TRPC6: variants seen among roughly 807,000 people sequenced by gnomAD.
TRPC6 encodes the protein transient receptor potential cation channel subfamily C member 6.
TRPC6 carries 55 observed loss-of-function variants against 90.7 expected under a neutral mutation model. The ratio of observed to expected loss-of-function variants is 0.61; its 90% CI spans 0.49 to 0.76. TRPC6 has a LOEUF of 0.76. Among genes scored for constraint, TRPC6 ranks in the 30% least tolerant of loss-of-function variants. TRPC6 has a pLI of 0.00. For synonymous variants in TRPC6, 393 were observed against 393.0 expected, an observed-to-expected ratio of 1.00 and a Z score of 0.00; for missense variants, 989 against 1,122.7, an observed-to-expected ratio of 0.88 and a Z score of 1.70.
intron 1 of TRPC6, among the ~76,000 whole-genome samples, chr11:101,576,752 T>C (rs1862079717): frequency 6.6e-6 from 1 of 152,202 alleles, no homozygotes; most frequent in Non-Finnish European, 1.5e-5. Context: ...TTAAGATGAA[T>C]TGCCTTATGA....
intron 1 of TRPC6, among the ~76,000 whole-genome samples, chr11:101,521,132 T>A (rs990752951): frequency 2.0e-4 from 31 of 152,318 alleles, no homozygotes; most frequent in African/African-American, 7.5e-4. Context: ...GGGAAAATGC[T>A]TCAAAGGCAT....
intron 4 of TRPC6, among the ~76,000 whole-genome samples, chr11:101,485,387 C>T (rs533477371): frequency 6.6e-6 from 1 of 151,788 alleles, no homozygotes; most frequent in East Asian, 1.9e-4. Flanking sequence ...TTGTCCTTTG[C>T]TATTTTTCTT....
At chr11:101,487,813 G>A (rs530295012) in intron 4 of TRPC6, among the ~76,000 whole-genome samples, 81 of 152,204 alleles carry the variant, frequency 5.3e-4, no homozygotes, top group African/African-American at 1.9e-3. Flanking sequence ...ATAAGAAAAT[G>A]TCCAGTTTCC....
At chr11:101,461,892 G>A (rs1429904345) in intron 10 of TRPC6, among the ~76,000 whole-genome samples, 1 of 152,180 alleles carries the variant, frequency 6.6e-6, no homozygotes, top group Non-Finnish European at 1.5e-5. Context: ...ATGGGAGGAA[G>A]AAACGGGCAT....
intron 10 of TRPC6, among the ~76,000 whole-genome samples, chr11:101,456,904 A>T (rs1206883591): frequency 6.6e-6 from 1 of 152,222 alleles, no homozygotes; most frequent in Non-Finnish European, 1.5e-5. Flanking sequence ...TTTCTAATAC[A>T]TCATAGAAAT....
intron 6 of TRPC6, among the ~76,000 whole-genome samples, chr11:101,474,832 T>C (rs1265394015): frequency 2.0e-5 from 3 of 152,164 alleles, no homozygotes; most frequent in Non-Finnish European, 4.4e-5. Context: ...TTCCATCCCT[T>C]AGTCACTTTC....
chr11:101,521,661 C>T (rs1241728443), intron 1 of TRPC6, among the ~76,000 whole-genome samples: 1 of 152,376 alleles, frequency 6.6e-6, no homozygotes, highest in South Asian at 2.1e-4. Flanking sequence ...GGAAAAGCCA[C>T]AGGCACTCAA....
intron 1 of TRPC6, among the ~76,000 whole-genome samples, chr11:101,577,314 AAT>A (rs1345174141): frequency 3.1e-5 from 4 of 130,584 alleles, no homozygotes; most frequent in African/African-American, 7.8e-5. Context: ...CCATTCAATA[AAT>A]ATGTCTTGTT....
At chr11:101,486,722 G>A (rs1052640928) in intron 4 of TRPC6, among the ~76,000 whole-genome samples, 1 of 152,106 alleles carries the variant, frequency 6.6e-6, no homozygotes, top group Non-Finnish European at 1.5e-5. Context: ...GCATAGGCCT[G>A]CAATTTGATC....
Position 101,476,451 on chromosome 11 carries a change from C to A in TRPC6, c.1594G>T (p.Gly532Cys), listed in dbSNP as rs1859419353. The change falls in exon 6 of 13, where the codon GGT becomes TGT. Residue 532 changes from glycine to cysteine, a missense_variant. Transcript: ENST00000344327. ...LFELWNMLDF[G>C]MLAIFAASFI... ...GATGCTGCGAAAATTGCTAACATACCAAAATCAAGCATGTTCCACAACTCA... is the reference window on the plus strand; with the variant it reads ...GATGCTGCGAAAATTGCTAACATACAAAAATCAAGCATGTTCCACAACTCA... 1 of 1,614,056 alleles carries A rather than the reference C, an allele frequency of 6.2e-7. No homozygotes were observed. The highest frequency in any genetic ancestry group is 8.5e-7 in the Non-Finnish European group (1 of 1,179,986).
intron 1 of TRPC6, among the ~76,000 whole-genome samples, chr11:101,546,799 T>C (rs1565237802): frequency 1.3e-5 from 2 of 152,324 alleles, no homozygotes; most frequent in East Asian, 1.9e-4. Flanking sequence ...AAAGACTGTA[T>C]ACATATAACA....
At chr11:101,548,927 G>C (rs1198058327) in intron 1 of TRPC6, among the ~76,000 whole-genome samples, 1 of 152,000 alleles carries the variant, frequency 6.6e-6, no homozygotes, top group Non-Finnish European at 1.5e-5. Context: ...CTGAAAGAGT[G>C]TGCAAGGAAA....
intron 10 of TRPC6, among the ~76,000 whole-genome samples, chr11:101,466,409 AGAG>A (rs1017021051): frequency 5.3e-5 from 8 of 152,206 alleles, no homozygotes; most frequent in African/African-American, 1.4e-4. Context: ...TGCTGCCCAG[AGAG>A]GAGAAATCTG....
intron 3 of TRPC6, 156 bp downstream of exon 3, chr11:101,491,400 C>G (rs1055674473): frequency 1.4e-5 from 13 of 942,996 alleles, no homozygotes; most frequent in Non-Finnish European, 1.9e-5. Flanking sequence ...CACCACTGCA[C>G]TCCAGACTGG....
intron 1 of TRPC6, among the ~76,000 whole-genome samples, chr11:101,551,362 A>G (rs1412737433): frequency 6.6e-6 from 1 of 152,068 alleles, no homozygotes; most frequent in African/African-American, 2.4e-5. Flanking sequence ...CAATCTTAGT[A>G]ACAAAATATT....
chr11:101,482,915 CA>C, intron 5 of TRPC6, 33 bp downstream of exon 5: 2 of 1,608,734 alleles, frequency 1.2e-6, no homozygotes, highest in Non-Finnish European at 1.7e-6. Context: ...GCTAAGACTG[CA>C]AACAGAAAAC....
intron 1 of TRPC6, among the ~76,000 whole-genome samples, chr11:101,519,393 C>A (rs555629768): frequency 2.0e-5 from 3 of 152,156 alleles, no homozygotes; most frequent in African/African-American, 7.2e-5. Flanking sequence ...TCTAAGGACC[C>A]TTCCAGTTAA....
At chr11:101,470,577 A>C (rs377311717) in intron 9 of TRPC6, among the ~76,000 whole-genome samples, 15 of 152,268 alleles carry the variant, frequency 9.9e-5, no homozygotes, top group African/African-American at 3.6e-4. Flanking sequence ...ATGTTCTCTA[A>C]ACATATCTGA....
chr11:101,456,451 TC>T (rs975099201), intron 10 of TRPC6, among the ~76,000 whole-genome samples: 9 of 152,256 alleles, frequency 5.9e-5, no homozygotes, highest in Admixed American at 5.2e-4. Context: ...AGTGTGAAGC[TC>T]CCACTAAGCC....
Sources: gnomAD v4.1 joint callset for allele counts (sites outside exome capture counted in the v4.1 genomes callset) on GRCh38, gnomAD v4.1.1 for gene constraint, MANE v1.5 for transcripts, NCBI Gene and HGNC (gene_info 2026-07-23, HGNC 2026-07-21) for gene names.